The following POMZP3 variants were observed in gnomAD, a reference collection of about 807,000 sequenced individuals.
The protein encoded by POMZP3 is POM121 and ZP3 fusion protein.
POMZP3 carries 10 observed loss-of-function variants against 19.8 expected under a neutral mutation model. That is an observed-to-expected ratio of 0.51 (90% confidence interval 0.31 to 0.86). POMZP3 has a LOEUF of 0.86. POMZP3 is among the 40% of genes least tolerant of loss of function. The probability of loss-of-function intolerance (pLI) is 0.04; values close to 1 mark genes in which losing one functional copy is unlikely to be tolerated. For missense variants in POMZP3, 152 were observed against 228.1 expected, an observed-to-expected ratio of 0.67 and a Z score of 2.15; for synonymous variants, 57 against 85.8, an observed-to-expected ratio of 0.66 and a Z score of 1.85.
At position 76,627,232 on chromosome 7, in the gene POMZP3, C is replaced by A. The variant is rs1281904063; in HGVS notation, c.-676G>T. On this transcript the variant is annotated 5_prime_UTR_variant, in exon 1 of 7. Coordinates refer to ENST00000310842, the MANE Select transcript of POMZP3 (RefSeq NM_012230.5). ...GCCGCCGCCGCTCGCCTGCTCCAGC[C>A]GCCGCAGCCGCCGGAGACATCGCGG... The A allele has an allele frequency of 1.9e-3, 2,699 of 1,405,910 alleles. 1 individual carries two copies. The African/African-American group carries it at 0.036, about 19-fold the overall frequency. 87.1% of individuals were successfully genotyped at this position (1,405,910 alleles called of 1,614,324 possible).
chr7:76,621,560 T>A (rs1815559928), intron 3 of POMZP3, among the ~76,000 whole-genome samples: 1 of 151,738 alleles, frequency 6.6e-6, no homozygotes, highest in South Asian at 2.1e-4. Context: ...TGGGCTGCAT[T>A]CCCAGATGGT....
chr7:76,622,376 T>G (rs1201181763), intron 3 of POMZP3, among the ~76,000 whole-genome samples: 5 of 32,416 alleles, frequency 1.5e-4, no homozygotes, highest in Admixed American at 7.7e-4. Context: ...ATTCTCAAGT[T>G]TTTTTTTTTT....
chr7:76,622,643 C>T (rs1194432834), intron 3 of POMZP3, among the ~76,000 whole-genome samples: 3 of 151,564 alleles, frequency 2.0e-5, no homozygotes, highest in Admixed American at 6.6e-5. Flanking sequence ...GGATTACAGG[C>T]GTGAGCCACT....
chr7:76,611,875 C>T lies in POMZP3; in HGVS notation c.346-62G>A, dbSNP rs1815124940. ...AGGCTGTGCCTGGGAGTTTAACACA[C>T]CAGTTCTCTTATAACCCTCAACCCT... On this transcript the variant is annotated intron_variant, in intron 4 of 6. Transcript: ENST00000310842. The T allele has an allele frequency of 2.6e-6, 4 of 1,510,990 alleles. No individual in the cohort carries two copies. In the South Asian group the frequency reaches 4.7e-5, roughly 18 times the overall value. The allele number at this position is 1,510,990 out of a possible 1,614,324, so 93.6% of individuals were successfully genotyped here.
Position 76,626,105 on chromosome 7 carries a change from C to G in POMZP3, c.-41G>C. 6.2e-7 allele frequency: 1 copy of G among 1,613,646 alleles called. No homozygotes were observed. The highest frequency in any genetic ancestry group is 2.2e-5 in the East Asian group (1 of 44,870). On this transcript the variant is annotated 5_prime_UTR_variant, in exon 2 of 7. Coordinates refer to ENST00000310842, the MANE Select transcript of POMZP3 (RefSeq NM_012230.5). The stretch of plus-strand genomic sequence containing the variant: ...GGACAGCACAGCCTTCTTGTGATAA[C>G]CATTCCAGCACACTGTGGGAAGTAC...
chr7:76,617,159 G>A lies in POMZP3; in HGVS notation c.345+1024C>T, dbSNP rs553872772. On this transcript the variant is annotated intron_variant, in intron 4 of 6. Coordinates refer to ENST00000310842, the MANE Select transcript of POMZP3 (RefSeq NM_012230.5). ...AATTTTTTGTATTTTTAGTAGAGGG[G>A]GTTTCACCGTGTTAACCAGGATGGT... Among the ~76,000 whole-genome samples, 732 of 90,890 alleles carry A rather than the reference G, an allele frequency of 8.1e-3. 224 individuals are homozygous for A. Among genetic ancestry groups the A allele is most frequent in the African/African-American group, 0.033 (698 of 21,114 alleles). 59.6% of individuals were successfully genotyped at this position (90,890 alleles called of 152,430 possible).
chr7:76,622,972 A>G (rs1273244762), intron 3 of POMZP3, among the ~76,000 whole-genome samples: 1 of 151,732 alleles, frequency 6.6e-6, no homozygotes, highest in Non-Finnish European at 1.5e-5. Flanking sequence ...CCTGGGCTCA[A>G]GTGATCCTCC....
chr7:76,610,971 T>C (rs1217813521), intron 6 of POMZP3, among the ~76,000 whole-genome samples: 2 of 141,950 alleles, frequency 1.4e-5, no homozygotes, highest in Non-Finnish European at 3.1e-5. Context: ...GCCTCCCAGA[T>C]TCAAGTGATT....
intron 3 of POMZP3, among the ~76,000 whole-genome samples, chr7:76,624,789 C>T (rs56316085): frequency 6.6e-6 from 1 of 151,690 alleles, no homozygotes; most frequent in Non-Finnish European, 1.5e-5. Flanking sequence ...CTACCAAACT[C>T]TAGTTTTCAT....
intron 3 of POMZP3, among the ~76,000 whole-genome samples, chr7:76,624,297 C>T (rs962083366): frequency 2.0e-5 from 3 of 150,902 alleles, no homozygotes; most frequent in Non-Finnish European, 4.4e-5. Context: ...GCCTGTAATC[C>T]CAGCACTTTG....
At chr7:76,621,988 G>A (rs890877192) in intron 3 of POMZP3, among the ~76,000 whole-genome samples, 4 of 132,926 alleles carry the variant, frequency 3.0e-5, no homozygotes, top group Non-Finnish European at 6.6e-5. Flanking sequence ...AGGTTGCAGT[G>A]AAGAAGCCGG....
At chr7:76,621,356 T>C (rs1199835017) in intron 3 of POMZP3, 1 of 147,138 alleles carries the variant, frequency 6.8e-6, no homozygotes, top group Non-Finnish European at 1.5e-5. Context: ...GCTTGGGTTT[T>C]CATGATCTTT....
chr7:76,621,436 G>A (rs1360885166), intron 3 of POMZP3: 2 of 149,028 alleles, frequency 1.3e-5, no homozygotes, highest in Admixed American at 1.4e-4. Flanking sequence ...ATGCCACCTG[G>A]AGTGGAGTTA....
rs1222226307 is a variant in POMZP3, at chr7:76,623,808, AAAAG to A, written c.227+1710_227+1713del. Among the ~76,000 whole-genome samples the A allele has an allele frequency of 8.5e-4, 130 of 152,200 alleles. 1 individual carries two copies. Among genetic ancestry groups the A allele is most frequent in the Middle Eastern group, 3.4e-3 (1 of 292 alleles). On this transcript the variant is annotated intron_variant, in intron 3 of 6. Coordinates refer to ENST00000310842, the MANE Select transcript of POMZP3 (RefSeq NM_012230.5). ...CAGAGCGAGAATCCGCCTCCAAAAA[AAAAG>A]AAAGAGAGAGAGAGAGAAAGAAAAG... is the stretch of plus-strand genomic sequence containing the variant.
chr7:76,614,858 CAAAAAAAAAAA>C (rs59620004), intron 4 of POMZP3, among the ~76,000 whole-genome samples: 1 of 32,006 alleles, frequency 3.1e-5, no homozygotes, highest in South Asian at 1.3e-3. Flanking sequence ...AGACTCTGTC[CAAAAAAAAAAA>C]AAAAAAAAGT....
In POMZP3 at chr7:76,618,514, G is replaced by T. The variant is rs1255279816; in HGVS notation, c.228-214C>A. 1.0e-4 allele frequency: 64 copies of T among 640,462 alleles called. 1 individual carries two copies. In the East Asian group the frequency reaches 2.3e-3, roughly 23 times the overall value. The allele number at this position is 640,462 out of a possible 1,614,324, so 39.7% of individuals were successfully genotyped here. On this transcript the variant is annotated intron_variant, in intron 3 of 6. Transcript: ENST00000310842. ...GTGCACACCTGTAATCCACCTACTC[G>T]GGAGGCTGAGGCAGGAGAATCGCTT...
At chr7:76,610,663 G>A (rs955175039) in intron 6 of POMZP3, among the ~76,000 whole-genome samples, 1 of 151,040 alleles carries the variant, frequency 6.6e-6, no homozygotes, top group Non-Finnish European at 1.5e-5. Context: ...GTGCAGGGGA[G>A]GGGGAAGAAA....
At chr7:76,618,674 C>T (rs1563802260) in intron 3 of POMZP3, 1 of 208,450 alleles carries the variant, frequency 4.8e-6, no homozygotes, top group Non-Finnish European at 9.9e-6. Flanking sequence ...TGAGAATATG[C>T]ACCCATTTGT....
intron 3 of POMZP3, chr7:76,621,011 G>A (rs1262155837): frequency 3.3e-5 from 5 of 150,374 alleles, no homozygotes; most frequent in African/African-American, 1.0e-4. Flanking sequence ...TGGGATTACA[G>A]GCGCCCGCCA....
Sources: gnomAD v4.1 joint callset for allele counts (sites outside exome capture counted in the v4.1 genomes callset) on GRCh38, gnomAD v4.1.1 for gene constraint, MANE v1.5 for transcripts, NCBI Gene and HGNC (gene_info 2026-07-23, HGNC 2026-07-21) for gene names.